The following HIVEP3 variants were observed in gnomAD, a reference collection of about 807,000 sequenced individuals.
The protein encoded by HIVEP3 is transcription factor HIVEP3.
HIVEP3 carries 49 observed loss-of-function variants against 152.8 expected under a neutral mutation model. The observed-to-expected ratio is 0.32, with a 90% CI of 0.26 to 0.41. The LOEUF (loss-of-function observed/expected upper bound fraction) is 0.41, where lower values mean the gene tolerates loss of function less well. Among genes scored for constraint, HIVEP3 ranks in the 10% least tolerant of loss-of-function variants. The pLI, the probability that HIVEP3 is intolerant of heterozygous loss-of-function variation, is 1.00. For missense variants in HIVEP3, 2,790 were observed against 3,103.3 expected (o/e 0.90, Z 2.40); for synonymous variants, 1,269 against 1,289.0 (o/e 0.98, Z 0.33).
intron 1 of HIVEP3, among the ~76,000 whole-genome samples, chr1:41,773,780 A>C (rs1242132794): frequency 6.6e-6 from 1 of 152,254 alleles, no homozygotes; most frequent in African/African-American, 2.4e-5. Context: ...AGCCAAAGTC[A>C]TCTGACTTCT....
At chr1:41,762,930 C>T (rs543738726) in intron 1 of HIVEP3, among the ~76,000 whole-genome samples, 62 of 152,322 alleles carry the variant, frequency 4.1e-4, no homozygotes, top group Admixed American at 1.6e-3. Flanking sequence ...GCCACTCCTT[C>T]CTGGATGCCC....
At position 41,607,556 on chromosome 1, in the gene HIVEP3, C is replaced by T. The variant is rs184542031; in HGVS notation, c.-522+21193G>A. 3.4e-3 allele frequency among the ~76,000 whole-genome samples: 524 copies of T among 152,044 alleles called. 4 individuals are homozygous for T. Among genetic ancestry groups the T allele is most frequent in the Non-Finnish European group, 5.1e-3 (347 of 67,948 alleles). On this transcript the variant is annotated intron_variant, in intron 3 of 8. Coordinates refer to ENST00000372583, the MANE Select transcript of HIVEP3 (RefSeq NM_024503.5). ...TACTGATAATTTAGTTTTGGGCTTT[C>T]TTATATTCAAACTGTTTCCTTTGAA...
At chr1:41,838,711 G>A (rs1221536573) in intron 1 of HIVEP3, among the ~76,000 whole-genome samples, 1 of 152,112 alleles carries the variant, frequency 6.6e-6, no homozygotes, top group Non-Finnish European at 1.5e-5. Flanking sequence ...TCTATAGAAT[G>A]GAGTCAATAA....
chr1:41,912,344 G>A (rs1204892740), intron 1 of HIVEP3, among the ~76,000 whole-genome samples: 1 of 151,988 alleles, frequency 6.6e-6, no homozygotes, highest in African/African-American at 2.4e-5. Flanking sequence ...TTGCATCTAG[G>A]GGCTATTTCA....
chr1:41,773,298 G>T (rs879722764), intron 1 of HIVEP3, among the ~76,000 whole-genome samples: 1 of 152,156 alleles, frequency 6.6e-6, no homozygotes, highest in African/African-American at 2.4e-5. Flanking sequence ...CTTGTGATTC[G>T]CAGTTCAATA....
intron 1 of HIVEP3, among the ~76,000 whole-genome samples, chr1:41,742,103 C>T (rs193246864): frequency 2.2e-4 from 33 of 152,324 alleles, no homozygotes; most frequent in African/African-American, 5.3e-4. Flanking sequence ...CCAGCCTCTA[C>T]AGCCAGAAGT....
chr1:41,578,759 T>C (rs1644359493), intron 4 of HIVEP3, among the ~76,000 whole-genome samples: 1 of 152,222 alleles, frequency 6.6e-6, no homozygotes, highest in Admixed American at 6.5e-5. Context: ...CCAGATTATC[T>C]TGACCTTTCT....
rs150279304 is a variant in HIVEP3 at position 41,619,897 on chromosome 1, C to A, written c.-522+8852G>T. ...TGCTCAGATTAGGCTGCAGTGAGCA[C>A]CTAGGCATGGCTGGCCACTCCCTGC... On this transcript the variant is annotated intron_variant, in intron 3 of 8. Coordinates refer to ENST00000372583, the MANE Select transcript of HIVEP3 (RefSeq NM_024503.5). Among the ~76,000 whole-genome samples the A allele has an allele frequency of 4.6e-3, 707 of 152,270 alleles. 2 individuals are homozygous for A. Among genetic ancestry groups the A allele is most frequent in the Admixed American group, 9.8e-3 (150 of 15,302 alleles).
chr1:41,701,110 C>A (rs897989296), intron 1 of HIVEP3, 115 bp from the exon 2 acceptor site: 1 of 245,302 alleles, frequency 4.1e-6, no homozygotes, highest in African/African-American at 2.3e-5. Context: ...AGCAAAGCCC[C>A]GGCCACTACC....
intron 5 of HIVEP3, among the ~76,000 whole-genome samples, chr1:41,536,182 T>C (rs1010933235): frequency 6.6e-6 from 1 of 152,170 alleles, no homozygotes. Context: ...GAAGCTGCTC[T>C]GCCATGCAGT....
intron 2 of HIVEP3, among the ~76,000 whole-genome samples, chr1:41,643,801 C>T (rs368226995): frequency 2.0e-5 from 3 of 151,856 alleles, no homozygotes; most frequent in East Asian, 1.9e-4. Context: ...CACCTCTGGT[C>T]GCTCTGTACC....
intron 1 of HIVEP3, among the ~76,000 whole-genome samples, chr1:41,786,923 T>C (rs1015091868): frequency 6.6e-6 from 1 of 152,012 alleles, no homozygotes; most frequent in African/African-American, 2.4e-5. Flanking sequence ...AGCTAATTTT[T>C]GTATTTTTAG....
At chr1:42,013,933 C>T (rs182269404) in intron 1 of HIVEP3, among the ~76,000 whole-genome samples, 107 of 152,274 alleles carry the variant, frequency 7.0e-4, no homozygotes, top group Admixed American at 2.2e-3. Context: ...ACAGCTTTTA[C>T]GAGGAAGAAA....
At chr1:41,845,314 G>A (rs566114670) in intron 1 of HIVEP3, among the ~76,000 whole-genome samples, 5 of 151,830 alleles carry the variant, frequency 3.3e-5, no homozygotes, top group South Asian at 4.2e-4. Context: ...CACATAATAG[G>A]TGCTCAGTAA....
intron 1 of HIVEP3, among the ~76,000 whole-genome samples, chr1:41,857,381 A>ATCACCAGT (rs1406169888): frequency 1.3e-5 from 2 of 152,322 alleles, no homozygotes; most frequent in East Asian, 3.9e-4. Flanking sequence ...GTCTGATGGT[A>ATCACCAGT]TCACCAGTAA....
rs187380695 is a variant in HIVEP3 at position 41,820,471 on chromosome 1, T to A, written c.-801+97942A>T. 2.3e-3 allele frequency among the ~76,000 whole-genome samples: 344 copies of A among 152,334 alleles called. 2 individuals are homozygous for A. The highest frequency in any genetic ancestry group is 8.1e-3 in the African/African-American group (335 of 41,566). ...ATAGACTTTACTAATAGCATCTCTT[T>A]TAACTCTGAAAAGAGTCCTCATTTG... On this transcript the variant is annotated intron_variant, in intron 1 of 8. Coordinates refer to ENST00000372583, the MANE Select transcript of HIVEP3 (RefSeq NM_024503.5).
chr1:41,935,319 TC>T (rs2124482374), intron 1 of HIVEP3, among the ~76,000 whole-genome samples: 1 of 152,292 alleles, frequency 6.6e-6, no homozygotes, highest in South Asian at 2.1e-4. Flanking sequence ...GATTTTAAAG[TC>T]CTTACTTTTA....
intron 1 of HIVEP3, among the ~76,000 whole-genome samples, chr1:42,006,864 C>A (rs1485737059): frequency 6.6e-6 from 1 of 152,192 alleles, no homozygotes; most frequent in Admixed American, 6.5e-5. Context: ...TTGAGAATGA[C>A]CGTACTAGCC....
chr1:41,668,828 A>G (rs1050135846), intron 2 of HIVEP3, among the ~76,000 whole-genome samples: 1 of 152,202 alleles, frequency 6.6e-6, no homozygotes, highest in African/African-American at 2.4e-5. Flanking sequence ...AATATTTCTC[A>G]CATTATAGTA....
Sources: gnomAD v4.1 joint callset for allele counts (sites outside exome capture counted in the v4.1 genomes callset) on GRCh38, gnomAD v4.1.1 for gene constraint, MANE v1.5 for transcripts, NCBI Gene and HGNC (gene_info 2026-07-23, HGNC 2026-07-21) for gene names.